The following RAPGEF4 variants were observed in gnomAD, a reference collection of about 807,000 sequenced individuals.
RAPGEF4 encodes the protein Rap guanine nucleotide exchange factor 4.
Under a neutral mutation model 147.9 loss-of-function variants are expected in RAPGEF4, and 66 were observed. The observed-to-expected ratio is 0.45, with a 90% CI of 0.37 to 0.55. The LOEUF is 0.55. Among genes scored for constraint, RAPGEF4 ranks in the 20% least tolerant of loss-of-function variants. The pLI is 0.00. For missense variants in RAPGEF4, 1,071 were observed against 1,257.3 expected, an observed-to-expected ratio of 0.85 and a Z score of 2.24; for synonymous variants, 419 against 442.7, an observed-to-expected ratio of 0.95 and a Z score of 0.67.
chr2:172,828,002 A>G (rs1306805785), intron 4 of RAPGEF4, among the ~76,000 whole-genome samples: 1 of 151,550 alleles, frequency 6.6e-6, no homozygotes, highest in Non-Finnish European at 1.5e-5. Flanking sequence ...TTTTTTTTTT[A>G]ATTAACCTCA....
At chr2:172,930,341 T>C (rs971277294) in intron 6 of RAPGEF4, among the ~76,000 whole-genome samples, 1 of 152,214 alleles carries the variant, frequency 6.6e-6, no homozygotes, top group African/African-American at 2.4e-5. Context: ...GCTTGATCTA[T>C]TTTGAGTCTG....
At chr2:172,799,431 C>A (rs999501789) in intron 3 of RAPGEF4, among the ~76,000 whole-genome samples, 2 of 152,216 alleles carry the variant, frequency 1.3e-5, no homozygotes, top group Non-Finnish European at 2.9e-5. Flanking sequence ...AGGCAACATG[C>A]AACTTCCCTC....
intron 23 of RAPGEF4, among the ~76,000 whole-genome samples, chr2:173,026,309 T>C (rs985657175): frequency 1.3e-5 from 2 of 152,216 alleles, no homozygotes; most frequent in African/African-American, 4.8e-5. Flanking sequence ...AGAGAACCTC[T>C]GCAGGTCACT....
chr2:172,851,283 T>C lies in RAPGEF4; in HGVS notation c.444+36858T>C, dbSNP rs117182865. Among the ~76,000 whole-genome samples the C allele has an allele frequency of 8.0e-3, 1,226 of 152,348 alleles. 8 individuals carry two copies. The highest frequency in any genetic ancestry group is 0.024 in the East Asian group (127 of 5,186). ...TTCTTGGTATTGATTTCTATTGTTA[T>C]TGCACTGTGGTCTAAGAGTGTGGTT... On this transcript the variant is annotated intron_variant, in intron 4 of 30. Transcript: ENST00000397081.
intron 4 of RAPGEF4, among the ~76,000 whole-genome samples, chr2:172,917,206 G>C (rs1049556105): frequency 6.6e-6 from 1 of 152,154 alleles, no homozygotes; most frequent in Admixed American, 6.5e-5. Context: ...TACAATTCAG[G>C]GGAATCCAAA....
rs567009565 is a variant in RAPGEF4 at position 172,744,407 on chromosome 2, G to A, written c.65+8359G>A. 183 of 456,464 alleles carry A rather than the reference G, an allele frequency of 4.0e-4. No individual in the cohort carries two copies. In the Admixed American group the frequency reaches 4.3e-3, roughly 11 times the overall value. 28.3% of individuals were successfully genotyped at this position (456,464 alleles called of 1,614,324 possible). A position where few individuals can be genotyped will look rare whatever the true frequency, so the allele number is the denominator to read the frequency against. On this transcript the variant is annotated intron_variant, in intron 1 of 30. Transcript: ENST00000397081. ...TCAAATGAGATTCCCAGTGCCTACA[G>A]TAATGGCTATGTTGAGGTGTGTGAG...
At chr2:172,996,671 T>A in intron 16 of RAPGEF4, 117 bp downstream of exon 16, 2 of 694,274 alleles carry the variant, frequency 2.9e-6, no homozygotes, top group Non-Finnish European at 4.9e-6. Flanking sequence ...ATTCTGTGTA[T>A]TGATATTTGA....
chr2:172,785,932 C>T (rs540864103), intron 1 of RAPGEF4, among the ~76,000 whole-genome samples: 11 of 152,202 alleles, frequency 7.2e-5, no homozygotes, highest in Non-Finnish European at 1.5e-4. Context: ...TTGATGAAGG[C>T]GGTGGGCACT....
intron 25 of RAPGEF4, 66 bp downstream of exon 25, chr2:173,027,325 G>C: frequency 7.4e-7 from 1 of 1,343,890 alleles, no homozygotes; most frequent in South Asian, 1.5e-5. Flanking sequence ...TGTTTTCTTA[G>C]ACTACACCTT....
rs781777594 is a variant in RAPGEF4, at chr2:172,856,665, C to CT, written c.444+42241dup. On this transcript the variant is annotated intron_variant, in intron 4 of 30. Coordinates refer to ENST00000397081, the MANE Select transcript of RAPGEF4 (RefSeq NM_007023.4). Reference sequence around the variant, plus strand: ...TCTCTGTTCAGTTCTTTCTCCTTAACTGAGTGGCTTGGAGTCTGCTTCACA... The same window carrying CT: ...TCTCTGTTCAGTTCTTTCTCCTTAACTTGAGTGGCTTGGAGTCTGCTTCACA... 1.6e-4 allele frequency among the ~76,000 whole-genome samples: 24 copies of CT among 152,320 alleles called. No individual in the cohort carries two copies. In the East Asian group the frequency reaches 2.1e-3, roughly 13 times the overall value.
chr2:172,854,012 A>G (rs1305232809), intron 4 of RAPGEF4, among the ~76,000 whole-genome samples: 1 of 152,000 alleles, frequency 6.6e-6, no homozygotes, highest in African/African-American at 2.4e-5. Context: ...ATATTTACCA[A>G]GGTATTCCTA....
chr2:173,022,449 G>A (rs1696196980), intron 23 of RAPGEF4, among the ~76,000 whole-genome samples: 1 of 151,858 alleles, frequency 6.6e-6, no homozygotes, highest in African/African-American at 2.4e-5. Flanking sequence ...AACCTTACCT[G>A]CCTCACATAA....
intron 1 of RAPGEF4, 120 bp downstream of exon 1, chr2:172,736,168 A>C (rs1693742916): frequency 1.6e-5 from 11 of 696,410 alleles, no homozygotes; most frequent in Non-Finnish European, 2.2e-5. Flanking sequence ...GGGGTCCCCG[A>C]GCGGGGGAAG....
intron 4 of RAPGEF4, among the ~76,000 whole-genome samples, chr2:172,825,713 AC>A (rs1689597513): frequency 1.3e-5 from 2 of 152,214 alleles, no homozygotes; most frequent in Non-Finnish European, 2.9e-5. Context: ...TATTTAAAGT[AC>A]ATACCTTTTA....
At chr2:172,834,031 G>T (rs2149680379) in intron 4 of RAPGEF4, among the ~76,000 whole-genome samples, 1 of 152,182 alleles carries the variant, frequency 6.6e-6, no homozygotes, top group East Asian at 1.9e-4. Flanking sequence ...GGATCTGTTG[G>T]CTCCAAGACG....
chr2:172,756,783 A>G (rs1233059498), intron 1 of RAPGEF4, among the ~76,000 whole-genome samples: 1 of 152,224 alleles, frequency 6.6e-6, no homozygotes, highest in Non-Finnish European at 1.5e-5. Flanking sequence ...TTAATGTGCT[A>G]TCCCTTGCAG....
intron 21 of RAPGEF4, among the ~76,000 whole-genome samples, chr2:173,017,970 A>C (rs1023310045): frequency 9.2e-5 from 14 of 152,224 alleles, no homozygotes; most frequent in Non-Finnish European, 1.0e-4. Flanking sequence ...GATTCTCCAA[A>C]GAATCACAAC....
chr2:173,048,601 G>T lies in RAPGEF4; in HGVS notation c.2855G>T (p.Arg952Leu). The T allele has an allele frequency of 1.2e-6, 2 of 1,613,728 alleles. No individual in the cohort carries two copies. Among genetic ancestry groups the T allele is most frequent in the Non-Finnish European group, 1.7e-6 (2 of 1,179,900 alleles). ...IDNLVNFEKM[R>L]MIANTARTVR... ...TTCTTTTTTCTATATTCCTTTTAGC[G>T]CATGATTGCAAATACGGCCAGAACA... is the stretch of plus-strand genomic sequence containing the variant. Residue 952 changes from arginine to leucine, a missense_variant and splice_region_variant, in exon 30 of 31, where the codon CGC (arginine) becomes CTC (leucine). Arg to Leu is a moderately radical substitution (Grantham distance 102). Transcript: ENST00000397081.
intron 6 of RAPGEF4, among the ~76,000 whole-genome samples, chr2:172,929,318 T>C (rs920452019): frequency 1.3e-5 from 2 of 152,202 alleles, no homozygotes; most frequent in Admixed American, 6.5e-5. Context: ...TCCACAGATA[T>C]TAAATATTCC....
Sources: allele counts gnomAD v4.1 joint callset (sites outside exome capture counted in the v4.1 genomes callset), GRCh38; gene constraint gnomAD v4.1.1; transcripts MANE v1.5; gene names NCBI Gene and HGNC (gene_info 2026-07-23, HGNC 2026-07-21).